Variants in PPP4R3B observed in about 807,000 individuals in gnomAD.
PPP4R3B encodes the protein serine/threonine-protein phosphatase 4 regulatory subunit 3B.
A neutral mutation model predicts 95.4 loss-of-function variants in PPP4R3B; 52 were observed. The observed-to-expected ratio is 0.54, with a 90% CI of 0.44 to 0.69. The LOEUF is 0.69. Ranked by LOEUF, PPP4R3B falls within the 30% of genes least tolerant of loss-of-function variation. The pLI, the probability that PPP4R3B is intolerant of heterozygous loss-of-function variation, is 0.00. For missense variants in PPP4R3B, 1,003 were observed against 1,005.9 expected, an observed-to-expected ratio of 1.00 and a Z score of 0.04; for synonymous variants, 407 against 343.9, an observed-to-expected ratio of 1.18 and a Z score of -2.03.
intron 16 of PPP4R3B, among the ~76,000 whole-genome samples, chr2:55,555,204 T>C (rs1685685800): frequency 1.4e-5 from 2 of 144,410 alleles, no homozygotes; most frequent in South Asian, 2.1e-4. Flanking sequence ...GGTGTGAACC[T>C]GGGAGGCGGA....
At chr2:55,565,106 AT>A in intron 13 of PPP4R3B, 65 bp from the exon 14 acceptor site, 1 of 1,351,216 alleles carries the variant, frequency 7.4e-7, no homozygotes, top group Non-Finnish European at 9.8e-7. Flanking sequence ...AAACTTTAAA[AT>A]TTTGTTTTGT....
In PPP4R3B at chr2:55,578,703, A is replaced by G. The variant is rs534216853; in HGVS notation, c.1469-361T>C. Among the ~76,000 whole-genome samples, 6 of 152,178 alleles carry G rather than the reference A, an allele frequency of 3.9e-5. No homozygotes were observed. In the South Asian group the frequency reaches 1.0e-3, roughly 26 times the overall value. On this transcript the variant is annotated intron_variant, in intron 9 of 16. Transcript: ENST00000616407. ...TCATGCATATGCACAAACATTCCCT[A>G]GAGTATATACTCAGAAATGGAACTG...
chr2:55,612,497 T>C (rs141803970), intron 2 of PPP4R3B, among the ~76,000 whole-genome samples: 1 of 151,994 alleles, frequency 6.6e-6, no homozygotes, highest in Non-Finnish European at 1.5e-5. Flanking sequence ...AGCAAAAGGA[T>C]CACTTGAGGC....
rs61995875 is a variant in PPP4R3B, at chr2:55,617,202, G to A, written c.84C>T (p.Ser28=). ...QWDDRGTGHV[S]STYVEELKGM... ...CCTTGAGCTCCTCCACGTAAGTGGA[G>A]GAGACGTGCCCGGTGCCTCGGTCGT... Residue 28 remains serine (S), a synonymous_variant, in exon 1 of 17, where the codon TCC becomes TCT. Coordinates refer to ENST00000616407, the MANE Select transcript of PPP4R3B (RefSeq NM_001122964.3). 2,194 of 1,614,054 alleles carry A rather than the reference G, an allele frequency of 1.4e-3. 32 individuals carry two copies. In the African/African-American group the frequency reaches 0.026, roughly 19 times the overall value.
intron 8 of PPP4R3B, among the ~76,000 whole-genome samples, chr2:55,580,744 G>A (rs1190683313): frequency 6.6e-6 from 1 of 152,034 alleles, no homozygotes; most frequent in Non-Finnish European, 1.5e-5. Context: ...TAAAAACGAT[G>A]TATATATTCT....
Position 55,581,771 on chromosome 2 carries a change from C to G in PPP4R3B, c.1234-73G>C. 3 of 1,491,538 alleles carry G rather than the reference C, an allele frequency of 2.0e-6. No individual in the cohort carries two copies. In the South Asian group the frequency reaches 3.8e-5, roughly 19 times the overall value. 92.4% of individuals were successfully genotyped at this position (1,491,538 alleles called of 1,614,324 possible). A position where few individuals can be genotyped will look rare whatever the true frequency, so the allele number is the denominator to read the frequency against. ...TTTAGATCTAAGACAAAAACACCAACTGAAAGAGCAAAGTGAGAATTATAT... is the reference window on the plus strand; with the variant it reads ...TTTAGATCTAAGACAAAAACACCAAGTGAAAGAGCAAAGTGAGAATTATAT... On this transcript the variant is annotated intron_variant, in intron 7 of 16. Coordinates refer to ENST00000616407, the MANE Select transcript of PPP4R3B (RefSeq NM_001122964.3).
chr2:55,564,329 A>C lies in PPP4R3B; in HGVS notation c.2244T>G (p.Phe748Leu), dbSNP rs533630759. The C allele has an allele frequency of 1.5e-5, 25 of 1,613,138 alleles. No homozygotes were observed. Among genetic ancestry groups the C allele is most frequent in the Non-Finnish European group, 1.8e-5 (21 of 1,179,710 alleles). ...EDDFPDNYEK[F>L]METKKAKESE... ...TTTTAATACCTTTTTTAGTCTCCAT[A>C]AACTTTTCATAATTATCTGGAAAAT... Residue 748 changes from phenylalanine to leucine, a missense_variant, in exon 15 of 17, where the codon TTT (phenylalanine) becomes TTG (leucine). By Grantham distance (22) the Phe-to-Leu change is conservative. Coordinates refer to ENST00000616407, the MANE Select transcript of PPP4R3B (RefSeq NM_001122964.3).
At chr2:55,566,953 A>G (rs1160099614) in intron 13 of PPP4R3B, among the ~76,000 whole-genome samples, 1 of 152,168 alleles carries the variant, frequency 6.6e-6, no homozygotes, top group Non-Finnish European at 1.5e-5. Flanking sequence ...GCTGCAGTGA[A>G]CTGTGATTAC....
intron 16 of PPP4R3B, among the ~76,000 whole-genome samples, chr2:55,553,938 C>T (rs761760400): frequency 3.9e-5 from 6 of 152,112 alleles, no homozygotes; most frequent in Admixed American, 6.5e-5. Flanking sequence ...ACAGTGGACA[C>T]ATGTTTTCAA....
intron 1 of PPP4R3B, among the ~76,000 whole-genome samples, 166 bp downstream of exon 1, chr2:55,616,978 G>A (rs1695040412): frequency 6.6e-6 from 1 of 152,112 alleles, no homozygotes; most frequent in African/African-American, 2.4e-5. Context: ...CCGAGGATAA[G>A]TCCAGTCAAA....
At position 55,578,329 on chromosome 2, in the gene PPP4R3B, T is replaced by G. The variant is rs1178670278; in HGVS notation, c.1482A>C (p.Lys494Asn). The G allele has an allele frequency of 1.4e-6, 2 of 1,425,594 alleles. No homozygotes were observed. The highest frequency in any genetic ancestry group is 5.7e-5 in the Admixed American group (2 of 35,038). The allele number at this position is 1,425,594 out of a possible 1,614,324, so 88.3% of individuals were successfully genotyped here. The change falls in exon 10 of 17, where the codon AAA becomes AAC. Residue 494 changes from lysine (K) to asparagine (N), a missense_variant. Lys to Asn is a moderately conservative substitution (Grantham distance 94). Transcript: ENST00000616407. ...EDKCEKDFFLKHYRYSWSFIC... is the reference protein window; with the variant it reads ...EDKCEKDFFLNHYRYSWSFIC... ...TGAAACTCCAACTATATCTGTAATG[T>G]TTTAAAAAAAAATCTGAAAAAAAAT...
intron 4 of PPP4R3B, among the ~76,000 whole-genome samples, chr2:55,596,292 T>C (rs1447153277): frequency 6.6e-6 from 1 of 152,218 alleles, no homozygotes; most frequent in South Asian, 2.1e-4. Flanking sequence ...CTTGGAGTTA[T>C]TTCTAAATAG....
At chr2:55,573,850 C>G in intron 11 of PPP4R3B, 73 bp from the exon 12 acceptor site, 2 of 955,344 alleles carry the variant, frequency 2.1e-6, no homozygotes, top group Non-Finnish European at 2.9e-6. Context: ...AGCTTACATC[C>G]TATATGTTAT....
chr2:55,560,058 GA>G (rs1686390059), intron 15 of PPP4R3B, among the ~76,000 whole-genome samples: 1 of 152,160 alleles, frequency 6.6e-6, no homozygotes, highest in African/African-American at 2.4e-5. Context: ...GGAGGCAGAG[GA>G]TGCAGTGAGC....
At chr2:55,581,453 C>T (rs548892501) in intron 8 of PPP4R3B, 114 bp downstream of exon 8, 366 of 1,084,898 alleles carry the variant, frequency 3.4e-4, no homozygotes, top group Non-Finnish European at 4.2e-4. Context: ...AATACCACTG[C>T]TACTTAAATA....
chr2:55,605,586 T>C (rs1420506462), intron 2 of PPP4R3B, among the ~76,000 whole-genome samples: 3 of 152,122 alleles, frequency 2.0e-5, no homozygotes, highest in Non-Finnish European at 4.4e-5. Context: ...TAGTCTAAAA[T>C]TCTCTCAAGT....
Position 55,571,308 on chromosome 2 carries a change from T to G in PPP4R3B, c.1765+2311A>C, listed in dbSNP as rs578215348. ...CTGGGCAACAGAGCAAGACTCTGTC[T>G]CAAAAAAAAAAATGGAAATGCATTC... On this transcript the variant is annotated intron_variant, in intron 12 of 16. Transcript: ENST00000616407. Among the ~76,000 whole-genome samples, 289 of 116,352 alleles carry G rather than the reference T, an allele frequency of 2.5e-3. 2 individuals are homozygous for G. The highest frequency in any genetic ancestry group is 7.3e-3 in the African/African-American group (262 of 35,754). The allele number at this position is 116,352 out of a possible 152,430, so 76.3% of individuals were successfully genotyped here.
In PPP4R3B at chr2:55,586,626, T is replaced by C. The variant is rs757063578; in HGVS notation, c.1108A>G (p.Ile370Val). The C allele has an allele frequency of 6.3e-7, 1 of 1,591,686 alleles. No individual in the cohort carries two copies. Among genetic ancestry groups the C allele is most frequent in the Admixed American group, 1.7e-5 (1 of 58,420 alleles). Residue 370 changes from isoleucine to valine, a missense_variant, in exon 6 of 17, where the codon ATT becomes GTT. Physicochemically the swap from Ile to Val is conservative, Grantham distance 29. This residue lies in a region of PPP4R3B where 695 missense variants were observed against 686.2 expected (regional missense o/e 1.01). Coordinates refer to ENST00000616407, the MANE Select transcript of PPP4R3B (RefSeq NM_001122964.3). ...AGAAACGGCATAATTACCATTACAA[T>C]TTCAAGAGCAGGAAGAATTCCCAAT... is the stretch of plus-strand genomic sequence containing the variant. ...AKLGILPALEIVMGMDDLQVR... is the reference protein window; with the variant it reads ...AKLGILPALEVVMGMDDLQVR...
chr2:55,590,322 C>T (rs1056013616), intron 4 of PPP4R3B, among the ~76,000 whole-genome samples: 7 of 152,060 alleles, frequency 4.6e-5, no homozygotes, highest in East Asian at 1.9e-4. Flanking sequence ...AGTGAAACTC[C>T]GTCTCAACAA....
Sources: allele counts gnomAD v4.1 joint callset (sites outside exome capture counted in the v4.1 genomes callset), GRCh38; gene constraint gnomAD v4.1.1; regional missense constraint gnomAD v4.1.1; transcripts MANE v1.5; gene names NCBI Gene and HGNC (gene_info 2026-07-23, HGNC 2026-07-21).